Variants in PCDHA4 observed in about 807,000 individuals in gnomAD.
PCDHA4 encodes protocadherin alpha-4.
A neutral mutation model predicts 61.4 loss-of-function variants in PCDHA4; 49 were observed. That is an observed-to-expected ratio of 0.80 (90% confidence interval 0.63 to 1.01). The LOEUF (loss-of-function observed/expected upper bound fraction) is 1.01, where lower values mean the gene tolerates loss of function less well. Among genes scored for constraint, PCDHA4 ranks in the 50% least tolerant of loss-of-function variants. PCDHA4 has a pLI of 0.00. For missense variants in PCDHA4, 1,254 were observed against 1,235.8 expected, an observed-to-expected ratio of 1.01 and a Z score of -0.22; for synonymous variants, 590 against 550.3, an observed-to-expected ratio of 1.07 and a Z score of -1.01.
chr5:140,967,841 A>G, intron 1 of PCDHA4: 1 of 1,614,114 alleles, frequency 6.2e-7, no homozygotes, highest in Non-Finnish European at 8.5e-7. Flanking sequence ...CGTGGACGTG[A>G]ATGACAATGC....
chr5:140,829,909 G>A, intron 1 of PCDHA4: 1 of 1,613,992 alleles, frequency 6.2e-7, no homozygotes, highest in Non-Finnish European at 8.5e-7. Context: ...ACAACGCGTG[G>A]CTTTCGTATG....
At chr5:140,944,566 A>G (rs782290531) in intron 1 of PCDHA4, among the ~76,000 whole-genome samples, 37 of 152,182 alleles carry the variant, frequency 2.4e-4, no homozygotes, top group African/African-American at 7.5e-4. Context: ...CTGGCAACTT[A>G]CTGTAGAGAT....
chr5:140,823,235 C>T (rs2150123830), intron 1 of PCDHA4: 4 of 1,613,550 alleles, frequency 2.5e-6, no homozygotes, highest in African/African-American at 1.3e-5. Context: ...CAGGAGAACG[C>T]CCTGGTGTCC....
rs1171497178 is a variant in PCDHA4, at chr5:140,993,431, C to A, written c.2533+10868C>A. 2.7e-5 allele frequency among the ~76,000 whole-genome samples: 4 copies of A among 149,406 alleles called. No homozygotes were observed. The Admixed American group carries it at 2.7e-4, about 10-fold the overall frequency. On this transcript the variant is annotated intron_variant, in intron 3 of 3. Coordinates refer to ENST00000530339, the MANE Select transcript of PCDHA4 (RefSeq NM_018907.4). ...TCATCAGCATTTCTCTTTTAAAATC[C>A]TTATTCATTCCTGTTCTCCTTCTTT...
At chr5:140,992,201 CAG>C (rs1587495213) in intron 3 of PCDHA4, among the ~76,000 whole-genome samples, 1 of 152,256 alleles carries the variant, frequency 6.6e-6, no homozygotes, top group East Asian at 1.9e-4. Context: ...TCTATCCAAT[CAG>C]ATAAACTACT....
At chr5:140,834,320 A>G (rs1772901114) in intron 1 of PCDHA4, 1 of 1,428,046 alleles carries the variant, frequency 7.0e-7, no homozygotes, top group African/African-American at 1.4e-5. Context: ...ATGAAGGGAT[A>G]AAAACATTCC....
intron 1 of PCDHA4, among the ~76,000 whole-genome samples, chr5:140,921,929 A>C (rs2080500807): frequency 6.6e-6 from 1 of 152,126 alleles, no homozygotes; most frequent in African/African-American, 2.4e-5. Flanking sequence ...CTTATAGTCA[A>C]TATAATTTTA....
At chr5:140,882,652 C>T (rs781900873) in intron 1 of PCDHA4, 1 of 1,614,216 alleles carries the variant, frequency 6.2e-7, no homozygotes, top group Non-Finnish European at 8.5e-7. Flanking sequence ...ACATTAACGA[C>T]AACCCGCCCA....
chr5:140,890,190 A>C (rs1213958471), intron 1 of PCDHA4, among the ~76,000 whole-genome samples: 3 of 152,084 alleles, frequency 2.0e-5, no homozygotes, highest in Middle Eastern at 3.2e-3. Flanking sequence ...TACAAAACAG[A>C]GTTTTTTGTT....
intron 3 of PCDHA4, among the ~76,000 whole-genome samples, chr5:140,990,850 T>C (rs528860965): frequency 3.3e-5 from 5 of 152,312 alleles, no homozygotes; most frequent in African/African-American, 1.2e-4. Context: ...AATAGAGCCC[T>C]GAGGACATTG....
intron 1 of PCDHA4, chr5:140,852,195 C>T (rs2150513188): frequency 8.5e-6 from 6 of 709,164 alleles, no homozygotes; most frequent in African/African-American, 1.9e-5. Flanking sequence ...ATGCCAGTAA[C>T]GTTTATTTAA....
At chr5:140,937,009 C>A (rs1409113092) in intron 1 of PCDHA4, among the ~76,000 whole-genome samples, 11 of 151,930 alleles carry the variant, frequency 7.2e-5, no homozygotes, top group African/African-American at 1.9e-4. Context: ...AGACAGACAA[C>A]CGATTAACAA....
chr5:140,838,969 A>G (rs1274095738), intron 1 of PCDHA4, among the ~76,000 whole-genome samples: 1 of 152,050 alleles, frequency 6.6e-6, no homozygotes, highest in Non-Finnish European at 1.5e-5. Flanking sequence ...CCCAGAACTG[A>G]CAATTTTCAC....
chr5:140,972,505 T>C (rs2096539361), intron 1 of PCDHA4, among the ~76,000 whole-genome samples: 1 of 152,100 alleles, frequency 6.6e-6, no homozygotes, highest in African/African-American at 2.4e-5. Flanking sequence ...GTTGGTAGAT[T>C]TTACCCCCAG....
chr5:140,830,136 C>A (rs782778260), intron 1 of PCDHA4: 1 of 1,613,258 alleles, frequency 6.2e-7, no homozygotes, highest in South Asian at 1.1e-5. Flanking sequence ...TCATCACGGG[C>A]GTCGGTGGGC....
chr5:140,993,943 A>C (rs1055382423), intron 3 of PCDHA4, among the ~76,000 whole-genome samples: 1 of 152,220 alleles, frequency 6.6e-6, no homozygotes, highest in Admixed American at 6.5e-5. Flanking sequence ...CCCCATTGTT[A>C]AGTGATACAT....
In PCDHA4 at chr5:140,853,448, G is replaced by A; in HGVS notation, c.2385+43876G>A. ...AGACACTTTCCTATTTTGCCTAATA[G>A]GTCTCCTTATATGCATCTGTAGTTA... On this transcript the variant is annotated intron_variant, in intron 1 of 3. Transcript: ENST00000530339. 2.0e-6 allele frequency: 2 copies of A among 980,734 alleles called. 1 individual carries two copies. Among genetic ancestry groups the A allele is most frequent in the South Asian group, 9.5e-5 (2 of 21,032 alleles). 60.8% of individuals were successfully genotyped at this position (980,734 alleles called of 1,614,324 possible).
chr5:140,915,093 G>A (rs1397392191), intron 1 of PCDHA4, among the ~76,000 whole-genome samples: 3 of 151,622 alleles, frequency 2.0e-5, no homozygotes, highest in Non-Finnish European at 2.9e-5. Flanking sequence ...CTATGGGCAC[G>A]CACCACCACA....
At chr5:140,821,810 G>C in intron 1 of PCDHA4, 2 of 1,613,712 alleles carry the variant, frequency 1.2e-6, no homozygotes, top group Non-Finnish European at 1.7e-6. Flanking sequence ...CTGGGATCCC[G>C]GCTCCTGCTG....
Sources: allele counts gnomAD v4.1 joint callset (sites outside exome capture counted in the v4.1 genomes callset), GRCh38; gene constraint gnomAD v4.1.1; transcripts MANE v1.5; gene names NCBI Gene and HGNC (gene_info 2026-07-23, HGNC 2026-07-21).